Variants in NOL7 observed in about 807,000 individuals in gnomAD.
NOL7 encodes nucleolar protein 7.
In NOL7, 36 loss-of-function variants were observed where a neutral mutation model predicts 38.4. The observed-to-expected ratio is 0.94, with a 90% confidence interval of 0.72 to 1.24. The LOEUF (loss-of-function observed/expected upper bound fraction) is 1.24. Ranked by LOEUF, NOL7 falls within the 50% of genes most tolerant of loss-of-function variation. The probability of loss-of-function intolerance (pLI) is 0.00; values close to 1 mark genes in which losing one functional copy is unlikely to be tolerated. For synonymous variants in NOL7, 142 were observed against 126.5 expected, an observed-to-expected ratio of 1.12 and a Z score of -0.82; for missense variants, 350 against 315.1, an observed-to-expected ratio of 1.11 and a Z score of -0.84.
At chr6:13,621,858 A>G (rs1764457488), downstream of NOL7, 1 of 152,594 alleles carries the variant, frequency 6.6e-6, no homozygotes, top group African/African-American at 2.4e-5. Flanking sequence ...TACAGTACAC[A>G]TTAAAAATGA....
intron 8 of NOL7, among the ~76,000 whole-genome samples, chr6:13,629,289 T>G (rs1764710892): frequency 6.6e-6 from 1 of 152,126 alleles, no homozygotes; most frequent in African/African-American, 2.4e-5. Context: ...TGTAGTTATT[T>G]AAAAATAATT....
intron 3 of NOL7, 37 bp downstream of exon 3, chr6:13,616,558 A>G: frequency 7.2e-7 from 1 of 1,390,038 alleles, no homozygotes; most frequent in Non-Finnish European, 1.0e-6. Context: ...TTGCTTATAT[A>G]CACCCATCTT....
In NOL7 at chr6:13,620,803, C is replaced by A; in HGVS notation, c.750C>A (p.Val250=). The A allele has an allele frequency of 3.7e-6, 6 of 1,601,346 alleles. No homozygotes were observed. The South Asian group carries it at 6.8e-5, about 18-fold the overall frequency. ...NAKRFKRRWM[V]RKMKTKK ...AGAGGTTTAAAAGACGGTGGATGGT[C>A]AGAAAGATGAAAACTAAGAAGTAAA... The change falls in exon 8 of 8, where the codon GTC becomes GTA. Residue 250 remains valine (V), a synonymous_variant. Transcript: ENST00000451315.
chr6:13,632,311 A>C, intron 8 of NOL7: 1 of 1,550,664 alleles, frequency 6.4e-7, no homozygotes, highest in South Asian at 1.2e-5. Flanking sequence ...AGTGTTTCAC[A>C]AAACTACATT....
downstream of NOL7, chr6:13,622,625 G>T: frequency 1.0e-6 from 1 of 997,358 alleles, no homozygotes; most frequent in Non-Finnish European, 1.4e-6. Flanking sequence ...GCAAATGAAG[G>T]TTTCTAAGCA....
rs1217301146 is a variant in NOL7, at chr6:13,620,808, A to G, written c.755A>G (p.Lys252Arg). 6.2e-7 allele frequency: 1 copy of G among 1,600,738 alleles called. No individual in the cohort carries two copies. The highest frequency in any genetic ancestry group is 2.2e-5 in the East Asian group (1 of 44,656). ...KRFKRRWMVRKMKTKK is the reference protein window; with the variant it reads ...KRFKRRWMVRRMKTKK ...TTTAAAAGACGGTGGATGGTCAGAA[A>G]GATGAAAACTAAGAAGTAAATCAAT... is the stretch of plus-strand genomic sequence containing the variant. The change falls in exon 8 of 8, where the codon AAG (lysine) becomes AGG (arginine). Residue 252 changes from lysine to arginine, a missense_variant. Physicochemically the swap from Lys to Arg is conservative, Grantham distance 26. Coordinates refer to ENST00000451315, the MANE Select transcript of NOL7 (RefSeq NM_016167.5).
At chr6:13,631,909 T>C in intron 8 of NOL7, among the ~76,000 whole-genome samples, 1 of 152,036 alleles carries the variant, frequency 6.6e-6, no homozygotes, top group East Asian at 1.9e-4. Context: ...CTTCACTAAT[T>C]CCCATCAAAA....
chr6:13,623,936 G>A (rs1412137002), downstream of NOL7, among the ~76,000 whole-genome samples: 11 of 151,978 alleles, frequency 7.2e-5, no homozygotes, highest in African/African-American at 2.2e-4. Context: ...TAAGAAAACT[G>A]GTCACTTTAA....
At position 13,620,810 on chromosome 6, in the gene NOL7, A is replaced by T. The variant is rs201690476; in HGVS notation, c.757A>T (p.Met253Leu). 1.1e-5 allele frequency: 18 copies of T among 1,599,654 alleles called. No homozygotes were observed. In the Admixed American group the frequency reaches 2.4e-4, roughly 21 times the overall value. The change falls in exon 8 of 8, where the codon ATG becomes TTG. Residue 253 changes from methionine (M) to leucine (L), a missense_variant. Met to Leu is a conservative substitution (Grantham distance 15, BLOSUM62 2). Coordinates refer to ENST00000451315, the MANE Select transcript of NOL7 (RefSeq NM_016167.5). ...TAAAAGACGGTGGATGGTCAGAAAG[A>T]TGAAAACTAAGAAGTAAATCAATGC... is the stretch of plus-strand genomic sequence containing the variant. ...RFKRRWMVRK[M>L]KTKK
At chr6:13,627,081 T>C (rs778573850) in intron 8 of NOL7, among the ~76,000 whole-genome samples, 4 of 152,294 alleles carry the variant, frequency 2.6e-5, no homozygotes, top group African/African-American at 9.6e-5. Context: ...CCAATTACAA[T>C]AGAAGTTCTT....
At position 13,615,438 on chromosome 6, in the gene NOL7, A is replaced by G; in HGVS notation, c.80A>G (p.Glu27Gly). Reference sequence around the variant, plus strand: ...GTGGACGAGGGCCAGCTGGCCTCGGAGGAGGAGGAGGCGGAGCACGGGCTG... The same window carrying G: ...GTGGACGAGGGCCAGCTGGCCTCGGGGGAGGAGGAGGCGGAGCACGGGCTG... Reference protein sequence around the residue: ...AMVDEGQLASEEEEAEHGLLL... With the variant: ...AMVDEGQLASGEEEAEHGLLL... The change falls in exon 1 of 8, where the codon GAG (glutamate) becomes GGG (glycine). Residue 27 changes from glutamate to glycine, a missense_variant. Transcript: ENST00000451315. 1 of 1,547,366 alleles carries G rather than the reference A, an allele frequency of 6.5e-7. No individual in the cohort carries two copies. The highest frequency in any genetic ancestry group is 8.7e-7 in the Non-Finnish European group (1 of 1,145,760).
At chr6:13,624,308 C>G (rs991035617), downstream of NOL7, among the ~76,000 whole-genome samples, 2 of 152,112 alleles carry the variant, frequency 1.3e-5, no homozygotes, top group African/African-American at 4.8e-5. Flanking sequence ...TGTAAGAGTC[C>G]TGGCCCTCAT....
chr6:13,615,826 TC>T (rs1764266875), intron 2 of NOL7, 54 bp downstream of exon 2: 1 of 1,529,472 alleles, frequency 6.5e-7, no homozygotes. Context: ...CAGGGAGAAT[TC>T]CTATGGTGGA....
At position 13,618,102 on chromosome 6, in the gene NOL7, T is replaced by C. The variant is rs1449506663; in HGVS notation, c.463T>C (p.Ser155Pro). Reference sequence around the variant, plus strand: ...TGAAGACTGTGAAAAAGGAAATGACTCCAAGAAAGTTAAAGTACAAAAAGT... The same window carrying C: ...TGAAGACTGTGAAAAAGGAAATGACCCCAAGAAAGTTAAAGTACAAAAAGT... ...KNEDCEKGND[S>P]KKVKVQKVQS... The change falls in exon 5 of 8, where the codon TCC (serine) becomes CCC (proline). Residue 155 changes from serine to proline, a missense_variant. By Grantham distance (74) the Ser-to-Pro change is moderately conservative. Transcript: ENST00000451315. The C allele has an allele frequency of 1.3e-6, 2 of 1,591,510 alleles. No homozygotes were observed. Among genetic ancestry groups the C allele is most frequent in the Non-Finnish European group, 1.7e-6 (2 of 1,161,286 alleles).
intron 8 of NOL7, among the ~76,000 whole-genome samples, chr6:13,630,510 A>G (rs893703704): frequency 7.7e-6 from 1 of 130,436 alleles, no homozygotes; most frequent in East Asian, 2.0e-4. Context: ...AAAAGTCTTA[A>G]GAATTCTTAA....
chr6:13,622,610 TATC>T, downstream of NOL7: 3 of 1,089,274 alleles, frequency 2.8e-6, no homozygotes, highest in Non-Finnish European at 3.7e-6. Flanking sequence ...CACTCTGAAA[TATC>T]AGCAAATGAA....
downstream of NOL7, among the ~76,000 whole-genome samples, chr6:13,625,499 G>T (rs1305795660): frequency 1.3e-5 from 2 of 152,130 alleles, no homozygotes; most frequent in East Asian, 3.8e-4. Context: ...GGAATTAAAG[G>T]AGGGGGTTTC....
downstream of NOL7, among the ~76,000 whole-genome samples, chr6:13,623,430 G>T (rs768332421): frequency 6.6e-6 from 1 of 152,034 alleles, no homozygotes; most frequent in Non-Finnish European, 1.5e-5. Context: ...TTTCCAAAAG[G>T]GAAAAAGCAC....
Position 13,620,963 on chromosome 6 carries a change from G to A in NOL7, c.*136G>A. Reference sequence around the variant, plus strand: ...GTGCTCAACCACATTTCATTCTTCTGGAGTAGAACTGTGCCTTGCAATCCT... The same window carrying A: ...GTGCTCAACCACATTTCATTCTTCTAGAGTAGAACTGTGCCTTGCAATCCT... On this transcript the variant is annotated 3_prime_UTR_variant, in exon 8 of 8. Coordinates refer to ENST00000451315, the MANE Select transcript of NOL7 (RefSeq NM_016167.5). The A allele has an allele frequency of 1.8e-6, 1 of 568,724 alleles. No individual in the cohort carries two copies. The allele number at this position is 568,724 out of a possible 1,614,324, so 35.2% of individuals were successfully genotyped here.
Sources: allele counts gnomAD v4.1 joint callset (sites outside exome capture counted in the v4.1 genomes callset), GRCh38; gene constraint gnomAD v4.1.1; transcripts MANE v1.5; gene names NCBI Gene and HGNC (gene_info 2026-07-23, HGNC 2026-07-21).